CCDC181: variants seen among roughly 807,000 people sequenced by gnomAD.
CCDC181 encodes coiled-coil domain containing 181, also known as coiled-coil domain-containing protein 181.
In CCDC181, 35 loss-of-function variants were observed where a neutral mutation model predicts 58.7. The observed-to-expected ratio is 0.60, with a 90% CI of 0.46 to 0.79. The LOEUF is 0.79. Ranked by LOEUF, CCDC181 falls within the 30% of genes least tolerant of loss-of-function variation. CCDC181 has a pLI of 0.00. For missense variants in CCDC181, 517 were observed against 583.9 expected (o/e 0.89, Z 1.18); for synonymous variants, 183 against 197.5 (o/e 0.93, Z 0.62).
At chr1:169,460,370 T>G (rs570388550) in exon 1 of CCDC181, 3 of 152,256 alleles carry the variant, frequency 2.0e-5, no homozygotes, top group Admixed American at 1.3e-4. Context: ...AGAGTTCGAC[T>G]CCTCCTCCTG....
chr1:169,424,515 C>A (rs1164507808), intron 2 of CCDC181, among the ~76,000 whole-genome samples: 1 of 151,660 alleles, frequency 6.6e-6, no homozygotes, highest in Non-Finnish European at 1.5e-5. Flanking sequence ...TGCAATAAAT[C>A]ATGATTTTAC....
intron 2 of CCDC181, among the ~76,000 whole-genome samples, chr1:169,451,886 A>G (rs1163161977): frequency 1.3e-5 from 2 of 152,140 alleles, no homozygotes; most frequent in Non-Finnish European, 2.9e-5. Context: ...CTGAGATCCA[A>G]GAGAACCAGC....
In CCDC181 at chr1:169,422,218, A is replaced by C; in HGVS notation, c.213T>G (p.Ser71=). The change falls in exon 3 of 6, where the codon TCT becomes TCG. Residue 71 remains serine, a synonymous_variant. Coordinates refer to ENST00000367806, the MANE Select transcript of CCDC181 (RefSeq NM_001300969.2). ...HTKRHSDPDK[S]LQDEVSPRRN... Reference sequence around the variant, plus strand: ...TTCTTGGTGAGACCTCATCCTGCAAAGATTTGTCAGGATCAGAATGCCGTT... The same window carrying C: ...TTCTTGGTGAGACCTCATCCTGCAACGATTTGTCAGGATCAGAATGCCGTT... The C allele has an allele frequency of 6.2e-7, 1 of 1,613,550 alleles. No homozygotes were observed. Among genetic ancestry groups the C allele is most frequent in the Middle Eastern group, 1.7e-4 (1 of 6,060 alleles).
At chr1:169,446,030 A>G (rs1657363531) in intron 2 of CCDC181, among the ~76,000 whole-genome samples, 1 of 151,750 alleles carries the variant, frequency 6.6e-6, no homozygotes. Context: ...GATTTTATTG[A>G]TCTTTTCAAA....
intron 1 of CCDC181, 34 bp from the exon 2 acceptor site, chr1:169,424,984 G>T: frequency 9.8e-7 from 1 of 1,024,102 alleles, no homozygotes; most frequent in African/African-American, 1.6e-5. Context: ...TATATGTTAT[G>T]CCCACTCTAG....
At chr1:169,400,820 A>G (rs991743631) in intron 4 of CCDC181, among the ~76,000 whole-genome samples, 2 of 152,148 alleles carry the variant, frequency 1.3e-5, no homozygotes, top group African/African-American at 4.8e-5. Context: ...CTTGTCAGAC[A>G]GTGGGTGCAG....
intron 4 of CCDC181, among the ~76,000 whole-genome samples, chr1:169,413,631 A>T (rs1656077667): frequency 6.6e-6 from 1 of 152,228 alleles, no homozygotes; most frequent in Non-Finnish European, 1.5e-5. Flanking sequence ...AATGCCCATA[A>T]ATGACAGACT....
chr1:169,424,856 C>T lies in CCDC181; in HGVS notation c.72G>A (p.Glu24=), dbSNP rs767017590. ...EYEDDFEKDL[E]WLINENEKSD... ...TTTTTTCATTTTCATTAATTAACCACTCCAGGTCCTTTTCAAAGTCATCTT... is the reference window on the plus strand; with the variant it reads ...TTTTTTCATTTTCATTAATTAACCATTCCAGGTCCTTTTCAAAGTCATCTT... The change falls in exon 2 of 6, where the codon GAG becomes GAA. Residue 24 remains glutamate, a synonymous_variant. Coordinates refer to ENST00000367806, the MANE Select transcript of CCDC181 (RefSeq NM_001300969.2). The T allele has an allele frequency of 6.2e-7, 1 of 1,608,810 alleles. No homozygotes were observed. Among genetic ancestry groups the T allele is most frequent in the Non-Finnish European group, 8.5e-7 (1 of 1,176,112 alleles).
At chr1:169,429,979 G>A (rs986489372), upstream of CCDC181, among the ~76,000 whole-genome samples, 3 of 152,112 alleles carry the variant, frequency 2.0e-5, no homozygotes, top group African/African-American at 7.2e-5. Flanking sequence ...GTTGATTTTT[G>A]TATAAGGTGA....
intron 4 of CCDC181, among the ~76,000 whole-genome samples, chr1:169,400,393 T>C (rs762580895): frequency 3.9e-5 from 6 of 152,210 alleles, no homozygotes; most frequent in Non-Finnish European, 7.3e-5. Flanking sequence ...CAGTGTATTC[T>C]ATATTTCCTT....
At chr1:169,417,871 G>A (rs1440482881) in intron 4 of CCDC181, among the ~76,000 whole-genome samples, 1 of 152,116 alleles carries the variant, frequency 6.6e-6, no homozygotes, top group Non-Finnish European at 1.5e-5. Context: ...GGTTTTAGGA[G>A]CTGTGTGCCA....
Position 169,395,134 on chromosome 1 carries a change from T to A in CCDC181, c.1443A>T (p.Arg481=). 6.2e-7 allele frequency: 1 copy of A among 1,613,664 alleles called. No individual in the cohort carries two copies. The highest frequency in any genetic ancestry group is 8.5e-7 in the Non-Finnish European group (1 of 1,179,756). Residue 481 remains arginine, a synonymous_variant, in exon 6 of 6, where the codon CGA becomes CGT. Transcript: ENST00000367806. The part of the protein sequence containing the change: ...QAVRERTRQL[R]LEAKRSKQLQ... ...ACTGTTTAGAACGCTTAGCTTCTAG[T>A]CGGAGCTGTCTAGTTCTCTCTCTGA...
intron 2 of CCDC181, among the ~76,000 whole-genome samples, chr1:169,457,559 C>T (rs1184345077): frequency 1.3e-5 from 2 of 152,096 alleles, no homozygotes; most frequent in East Asian, 3.9e-4. Flanking sequence ...GAGTTAAGTT[C>T]CTATAGCATA....
At chr1:169,417,757 G>C (rs915061904) in intron 4 of CCDC181, among the ~76,000 whole-genome samples, 3 of 151,906 alleles carry the variant, frequency 2.0e-5, no homozygotes, top group African/African-American at 4.8e-5. Context: ...TATCACCTAA[G>C]AAGTTCCAAG....
intron 3 of CCDC181, among the ~76,000 whole-genome samples, chr1:169,419,597 G>A (rs1355289871): frequency 6.6e-6 from 1 of 152,130 alleles, no homozygotes; most frequent in Non-Finnish European, 1.5e-5. Context: ...AAATATATTT[G>A]AGAATACCTA....
At chr1:169,397,462 T>C in intron 4 of CCDC181, 71 bp from the exon 5 acceptor site, 8 of 1,334,750 alleles carry the variant, frequency 6.0e-6, no homozygotes, top group Non-Finnish European at 8.1e-6. Context: ...GCTTATGGGA[T>C]CCTACAAGAA....
intron 2 of CCDC181, among the ~76,000 whole-genome samples, chr1:169,447,403 C>T (rs1657406802): frequency 6.6e-6 from 1 of 152,154 alleles, no homozygotes; most frequent in South Asian, 2.1e-4. Context: ...TAGGAATGAG[C>T]CACGGTGCCT....
chr1:169,458,202 T>G (rs972835415), intron 2 of CCDC181, among the ~76,000 whole-genome samples: 3 of 150,758 alleles, frequency 2.0e-5, no homozygotes, highest in African/African-American at 4.9e-5. Context: ...TTGTTTTTTT[T>G]GCCATTTAAA....
chr1:169,406,348 A>G (rs1016087830), intron 4 of CCDC181, among the ~76,000 whole-genome samples: 1 of 152,180 alleles, frequency 6.6e-6, no homozygotes, highest in Non-Finnish European at 1.5e-5. Flanking sequence ...ACATGCACAC[A>G]TATGTTTATT....
Sources: gnomAD v4.1 joint callset for allele counts (sites outside exome capture counted in the v4.1 genomes callset) on GRCh38, gnomAD v4.1.1 for gene constraint, MANE v1.5 for transcripts, NCBI Gene and HGNC (gene_info 2026-07-23, HGNC 2026-07-21) for gene names.